Variants in PKHD1 observed in about 807,000 individuals in gnomAD.
PKHD1 encodes PKHD1 ciliary IPT domain containing fibrocystin/polyductin.
A neutral mutation model predicts 412.0 loss-of-function variants in PKHD1; 291 were observed. That is an observed-to-expected ratio of 0.71 (90% CI 0.64 to 0.78). The LOEUF (loss-of-function observed/expected upper bound fraction) is 0.78, where lower values mean the gene tolerates loss of function less well. Among genes scored for constraint, PKHD1 ranks in the 30% least tolerant of loss-of-function variants. PKHD1 has a pLI of 0.00. For missense variants in PKHD1, 4,825 were observed against 4,950.7 expected, an observed-to-expected ratio of 0.97 and a Z score of 0.76; for synonymous variants, 1,777 against 1,821.5, an observed-to-expected ratio of 0.98 and a Z score of 0.62.
chr6:51,696,061 A>G (rs1778766964), intron 60 of PKHD1, among the ~76,000 whole-genome samples: 1 of 152,236 alleles, frequency 6.6e-6, no homozygotes, highest in South Asian at 2.1e-4. Flanking sequence ...GAATTGTAAT[A>G]AAAACTTCTT....
chr6:51,892,952 C>G (rs927513711), intron 43 of PKHD1, among the ~76,000 whole-genome samples: 1 of 152,144 alleles, frequency 6.6e-6, no homozygotes, highest in Non-Finnish European at 1.5e-5. Context: ...AGCTGTTGTT[C>G]TCAGTCACGA....
chr6:52,057,777 GTTTTAC>G (rs929344017), intron 16 of PKHD1, among the ~76,000 whole-genome samples: 9 of 146,790 alleles, frequency 6.1e-5, no homozygotes, highest in African/African-American at 1.9e-4. Flanking sequence ...TTGTGCACAT[GTTTTAC>G]TTTTAGACTG....
At chr6:51,665,104 T>C (rs1773516351) in intron 60 of PKHD1, among the ~76,000 whole-genome samples, 1 of 152,164 alleles carries the variant, frequency 6.6e-6, no homozygotes. Flanking sequence ...ACGAACAAGA[T>C]ATCTTTTCTC....
chr6:51,824,419 C>A (rs1012603460), intron 52 of PKHD1, among the ~76,000 whole-genome samples: 1 of 152,078 alleles, frequency 6.6e-6, no homozygotes, highest in Non-Finnish European at 1.5e-5. Flanking sequence ...AGAACACCTG[C>A]TCTGTGGAGT....
chr6:52,030,345 T>C (rs974054708), intron 29 of PKHD1, among the ~76,000 whole-genome samples: 4 of 152,164 alleles, frequency 2.6e-5, no homozygotes, highest in Non-Finnish European at 4.4e-5. Flanking sequence ...CCCATGTGGT[T>C]TGTTAGATAT....
At chr6:52,050,091 C>T (rs1348940115) in intron 22 of PKHD1, 66 bp downstream of exon 22, 2 of 1,529,776 alleles carry the variant, frequency 1.3e-6, no homozygotes, top group South Asian at 1.1e-5. Flanking sequence ...AAAGTCACAC[C>T]TGTGTCCCTC....
intron 49 of PKHD1, among the ~76,000 whole-genome samples, chr6:51,850,855 G>C (rs1035550330): frequency 1.3e-5 from 2 of 152,120 alleles, no homozygotes; most frequent in East Asian, 3.8e-4. Flanking sequence ...GAGACAACTT[G>C]ACTTCCTCTC....
chr6:51,923,534 T>C (rs1378444134), intron 37 of PKHD1, among the ~76,000 whole-genome samples: 1 of 146,944 alleles, frequency 6.8e-6, no homozygotes, highest in Non-Finnish European at 1.5e-5. Context: ...AAAAAAACAA[T>C]AAAAGTACCA....
At chr6:51,631,536 T>A (rs1767917351) in intron 65 of PKHD1, among the ~76,000 whole-genome samples, 1 of 152,172 alleles carries the variant, frequency 6.6e-6, no homozygotes. Context: ...TTATTTTGAC[T>A]TTTTTCTCTT....
chr6:52,053,751 C>T (rs1199726789), intron 20 of PKHD1, among the ~76,000 whole-genome samples: 1 of 152,198 alleles, frequency 6.6e-6, no homozygotes, highest in Non-Finnish European at 1.5e-5. Flanking sequence ...CAAATTTCCT[C>T]TTTCTGTCAT....
intron 27 of PKHD1, 80 bp from the exon 28 acceptor site, chr6:52,035,801 A>C: frequency 7.2e-7 from 1 of 1,379,400 alleles, no homozygotes; most frequent in Non-Finnish European, 1.0e-6. Context: ...AGATGGATAA[A>C]ATGAAATTAA....
At chr6:52,017,056 A>G (rs541457543) in intron 34 of PKHD1, among the ~76,000 whole-genome samples, 30 of 152,334 alleles carry the variant, frequency 2.0e-4, no homozygotes, top group African/African-American at 6.7e-4. Flanking sequence ...AGAAAAGAAA[A>G]AGGAAAGCGG....
intron 61 of PKHD1, among the ~76,000 whole-genome samples, chr6:51,650,130 C>T (rs1278447546): frequency 1.3e-5 from 2 of 152,094 alleles, no homozygotes; most frequent in African/African-American, 4.8e-5. Context: ...TTCTTAGTTC[C>T]TTTGAACATG....
chr6:52,006,469 A>G (rs1294084324), intron 35 of PKHD1, among the ~76,000 whole-genome samples: 1 of 151,832 alleles, frequency 6.6e-6, no homozygotes, highest in Non-Finnish European at 1.5e-5. Context: ...ATCCGCCTCC[A>G]GGGTTCAAGC....
At chr6:52,053,039 T>A (rs375908510) in intron 21 of PKHD1, 37 bp downstream of exon 21, 1 of 1,604,090 alleles carries the variant, frequency 6.2e-7, no homozygotes, top group Admixed American at 1.7e-5. Context: ...GGTAGGCATG[T>A]GACCGGCTTG....
chr6:52,036,671 A>G (rs774248659), intron 27 of PKHD1, among the ~76,000 whole-genome samples: 19 of 152,242 alleles, frequency 1.2e-4, no homozygotes, highest in Non-Finnish European at 2.4e-4. Flanking sequence ...AGTTAAGTGC[A>G]TAACTAAGAG....
In PKHD1 at chr6:52,044,961, C is replaced by G; in HGVS notation, c.2715+5G>C. 1.9e-6 allele frequency: 3 copies of G among 1,613,486 alleles called. No individual in the cohort carries two copies. The highest frequency in any genetic ancestry group is 2.5e-6 in the Non-Finnish European group (3 of 1,179,506). On this transcript the variant is annotated splice_donor_5th_base_variant and intron_variant, in intron 25 of 66. Coordinates refer to ENST00000371117, the MANE Select transcript of PKHD1 (RefSeq NM_138694.4). The stretch of plus-strand genomic sequence containing the variant: ...TTGCACTTAGGGTGGCCCATTCACT[C>G]TCACCTGAGTATGCTGGTTGGCAGT...
At chr6:51,934,345 T>G (rs755216064) in intron 36 of PKHD1, 23 bp from the exon 37 acceptor site, 2 of 1,525,836 alleles carry the variant, frequency 1.3e-6, no homozygotes, top group Non-Finnish European at 1.8e-6. Context: ...GGGAAAATTG[T>G]CAGTCCCTGG....
In PKHD1 at chr6:51,899,644, A is replaced by G. The variant is rs1164167757; in HGVS notation, c.6996+3953T>C. On this transcript the variant is annotated intron_variant, in intron 43 of 66. Coordinates refer to ENST00000371117, the MANE Select transcript of PKHD1 (RefSeq NM_138694.4). ...CCCTCTCTCACCACTCCTATTCAAC[A>G]TAGTGTTGGAAGTTCTGGCCAGGGC... 1.3e-5 allele frequency among the ~76,000 whole-genome samples: 2 copies of G among 151,584 alleles called. 1 individual carries two copies. Among genetic ancestry groups the G allele is most frequent in the Non-Finnish European group, 2.9e-5 (2 of 67,870 alleles).
Sources: gnomAD v4.1 joint callset for allele counts (sites outside exome capture counted in the v4.1 genomes callset) on GRCh38, gnomAD v4.1.1 for gene constraint, MANE v1.5 for transcripts, NCBI Gene and HGNC (gene_info 2026-07-23, HGNC 2026-07-21) for gene names.